Variants in HS6ST2 observed in about 807,000 individuals in gnomAD.
The protein encoded by HS6ST2 is heparan sulfate 6-O-sulfotransferase 2.
A neutral mutation model predicts 33.0 loss-of-function variants in HS6ST2; 17 were observed. The observed-to-expected ratio is 0.52, with a 90% confidence interval of 0.35 to 0.77. The LOEUF (loss-of-function observed/expected upper bound fraction) is 0.77. HS6ST2 is among the 30% of genes least tolerant of loss of function. The pLI, the probability that HS6ST2 is intolerant of heterozygous loss-of-function variation, is 0.01. For missense variants in HS6ST2, 519 were observed against 551.7 expected (o/e 0.94, Z 0.59); for synonymous variants, 248 against 237.1 (o/e 1.05, Z -0.42).
chrX:132,846,336 A>C (rs907954332), intron 2 of HS6ST2, among the ~76,000 whole-genome samples: 1 of 112,375 alleles, frequency 8.9e-6, no homozygotes, highest in African/African-American at 3.2e-5. Flanking sequence ...TCAAGTGAAT[A>C]AGGTAATCAG....
intron 4 of HS6ST2, among the ~76,000 whole-genome samples, chrX:132,652,766 A>ATT (rs1173175114): frequency 2.3e-4 from 25 of 110,458 alleles, no homozygotes; most frequent in Non-Finnish European, 4.2e-4. Context: ...CATTTAATTG[A>ATT]ATTGGAAATG....
At chrX:132,927,775 T>C (rs1340977588) in intron 2 of HS6ST2, among the ~76,000 whole-genome samples, 1 of 108,189 alleles carries the variant, frequency 9.2e-6, no homozygotes, top group African/African-American at 3.4e-5. Context: ...GAGGATCGCT[T>C]GTGCCTGGGA....
At chrX:132,821,258 G>C (rs1300964075) in intron 2 of HS6ST2, among the ~76,000 whole-genome samples, 1 of 98,438 alleles carries the variant, frequency 1.0e-5, no homozygotes, top group African/African-American at 3.8e-5. Flanking sequence ...TGTCGCCCAG[G>C]CTGGAGTGCA....
chrX:132,960,782 A>G (rs2067136701), upstream of HS6ST2, among the ~76,000 whole-genome samples: 1 of 111,736 alleles, frequency 8.9e-6, no homozygotes, highest in Admixed American at 9.4e-5. Context: ...CCACCCCCTC[A>G]TGCTGTGAGG....
intron 4 of HS6ST2, among the ~76,000 whole-genome samples, chrX:132,644,015 G>A (rs2063622413): frequency 8.9e-6 from 1 of 111,857 alleles, no homozygotes; most frequent in Admixed American, 9.5e-5. Flanking sequence ...CAGAAATAGT[G>A]ACTCACTGCA....
rs187400131 is a variant in HS6ST2, at chrX:132,951,202, T to C, written c.947+5606A>G. Among the ~76,000 whole-genome samples, 224 of 111,683 alleles carry C rather than the reference T, an allele frequency of 2.0e-3. 1 individual carries two copies. Among genetic ancestry groups the C allele is most frequent in the Non-Finnish European group, 3.0e-3 (160 of 53,139 alleles). On this transcript the variant is annotated intron_variant, in intron 2 of 4. Transcript: ENST00000370833. ...TACCTAGACTCCGACCTTTATTTAC[T>C]TTCATGGTGTTTTTGCACTCTTTCC...
chrX:132,669,285 C>G, intron 3 of HS6ST2, 86 bp from the exon 4 acceptor site: 1 of 758,434 alleles, frequency 1.3e-6, no homozygotes. Context: ...TAAAGACTCT[C>G]AAGGCCAGCC....
At chrX:132,916,238 C>T (rs2066589034) in intron 2 of HS6ST2, among the ~76,000 whole-genome samples, 1 of 111,662 alleles carries the variant, frequency 9.0e-6, no homozygotes, top group African/African-American at 3.3e-5. Context: ...CCTGTCTGGA[C>T]CTCTACAGAA....
intron 4 of HS6ST2, among the ~76,000 whole-genome samples, chrX:132,631,594 CTGAT>C (rs1375890818): frequency 1.0e-5 from 1 of 100,157 alleles, no homozygotes; most frequent in African/African-American, 4.0e-5. Context: ...GGCAATTAGT[CTGAT>C]TATTTGGAAA....
At chrX:132,893,104 G>A (rs1479525510) in intron 2 of HS6ST2, among the ~76,000 whole-genome samples, 3 of 112,033 alleles carry the variant, frequency 2.7e-5, no homozygotes, top group African/African-American at 6.5e-5. Flanking sequence ...TGTACATACT[G>A]CGTTTGAGAA....
intron 3 of HS6ST2, among the ~76,000 whole-genome samples, chrX:132,689,548 T>G (rs1042524316): frequency 8.9e-6 from 1 of 112,140 alleles, no homozygotes; most frequent in Non-Finnish European, 1.9e-5. Flanking sequence ...GGAAGCTTAA[T>G]ATTACATTTT....
chrX:132,852,523 T>G (rs2065813359), intron 2 of HS6ST2, among the ~76,000 whole-genome samples: 1 of 112,197 alleles, frequency 8.9e-6, no homozygotes, highest in Non-Finnish European at 1.9e-5. Context: ...AGAACATTGT[T>G]GCAGCAGATG....
intron 2 of HS6ST2, among the ~76,000 whole-genome samples, chrX:132,820,206 G>GT (rs35273822): frequency 2.8e-5 from 3 of 106,775 alleles, no homozygotes; most frequent in Admixed American, 1.0e-4. Context: ...ATGCCAGACA[G>GT]TTTTTTTTTT....
chrX:132,807,524 C>A (rs1234525058), intron 2 of HS6ST2, among the ~76,000 whole-genome samples: 1 of 110,847 alleles, frequency 9.0e-6, no homozygotes, highest in African/African-American at 3.3e-5. Flanking sequence ...TGCCAGGGCT[C>A]ATGCTTATAG....
At chrX:132,756,636 A>G (rs922417528) in intron 2 of HS6ST2, among the ~76,000 whole-genome samples, 4 of 110,070 alleles carry the variant, frequency 3.6e-5, no homozygotes, top group African/African-American at 1.3e-4. Context: ...TTGCTCCTGC[A>G]TGAGCTTTCT....
At chrX:132,874,529 T>C (rs752588590) in intron 2 of HS6ST2, among the ~76,000 whole-genome samples, 48 of 111,378 alleles carry the variant, frequency 4.3e-4, no homozygotes, top group Non-Finnish European at 7.5e-4. Context: ...TGAGTGGAGA[T>C]CATGCCACTG....
chrX:132,722,248 A>G (rs1461953443), intron 2 of HS6ST2, among the ~76,000 whole-genome samples: 1 of 110,444 alleles, frequency 9.1e-6, no homozygotes, highest in African/African-American at 3.3e-5. Context: ...CCAAAACAGT[A>G]GAAGAAAAGA....
At chrX:132,916,779 G>A (rs920492488) in intron 2 of HS6ST2, among the ~76,000 whole-genome samples, 2 of 112,008 alleles carry the variant, frequency 1.8e-5, no homozygotes, top group African/African-American at 6.5e-5. Flanking sequence ...ACAGATTGAA[G>A]GTTGTACTGT....
chrX:132,708,532 CT>C lies in HS6ST2; in HGVS notation c.948-39del, dbSNP rs770838534. On this transcript the variant is annotated intron_variant, in intron 2 of 4. Transcript: ENST00000370833. ...CAGTAAAACCAGTCGCTAGCAAGAG[CT>C]TGGTAGGAGAGGAGATAAAATAATA... 8.0e-6 allele frequency: 9 copies of C among 1,124,228 alleles called. No individual in the cohort carries two copies. The African/African-American group carries it at 1.6e-4, about 20-fold the overall frequency. 92.6% of individuals were successfully genotyped at this position (1,124,228 alleles called of 1,213,427 possible).
Sources: gnomAD v4.1 joint callset for allele counts (sites outside exome capture counted in the v4.1 genomes callset) on GRCh38, gnomAD v4.1.1 for gene constraint, MANE v1.5 for transcripts, NCBI Gene and HGNC (gene_info 2026-07-23, HGNC 2026-07-21) for gene names.